Variants in NLGN1 observed in about 807,000 individuals in gnomAD.
NLGN1 encodes the protein neuroligin-1.
A neutral mutation model predicts 65.5 loss-of-function variants in NLGN1; 12 were observed. The ratio of observed to expected loss-of-function variants is 0.18; its 90% CI spans 0.12 to 0.30. The LOEUF is 0.30. NLGN1 is among the 10% of genes least tolerant of loss of function. The pLI, the probability that NLGN1 is intolerant of heterozygous loss-of-function variation, is 1.00. For missense variants in NLGN1, 750 were observed against 1,007.1 expected, an observed-to-expected ratio of 0.74 and a Z score of 3.46; for synonymous variants, 350 against 359.5, an observed-to-expected ratio of 0.97 and a Z score of 0.30.
chr3:174,059,043 A>T (rs897273450), intron 4 of NLGN1, among the ~76,000 whole-genome samples: 16 of 152,062 alleles, frequency 1.1e-4, no homozygotes, highest in Non-Finnish European at 1.5e-5. Flanking sequence ...CAGAATATGA[A>T]CAGTTTCCCG....
intron 4 of NLGN1, among the ~76,000 whole-genome samples, chr3:173,985,679 C>G (rs958412521): frequency 6.6e-6 from 1 of 152,108 alleles, no homozygotes; most frequent in Non-Finnish European, 1.5e-5. Flanking sequence ...TGTGGGTGCA[C>G]TGATTAACGC....
chr3:173,940,653 C>T (rs905671273), intron 4 of NLGN1, among the ~76,000 whole-genome samples: 3 of 152,130 alleles, frequency 2.0e-5, no homozygotes, highest in Non-Finnish European at 4.4e-5. Context: ...AACATTTGCA[C>T]ATAGGGGGAC....
chr3:173,844,170 CAAT>C (rs1470881961), intron 4 of NLGN1, among the ~76,000 whole-genome samples: 5 of 152,132 alleles, frequency 3.3e-5, no homozygotes, highest in Non-Finnish European at 7.4e-5. Flanking sequence ...CCCCATAATT[CAAT>C]AACCTCCCAC....
At chr3:173,435,879 T>C (rs1442798524) in intron 2 of NLGN1, among the ~76,000 whole-genome samples, 1 of 152,070 alleles carries the variant, frequency 6.6e-6, no homozygotes, top group African/African-American at 2.4e-5. Context: ...GTCTATACGA[T>C]GCATTTAGTC....
rs575157056 is a variant in NLGN1 at position 174,219,541 on chromosome 3, T to C, written c.647-55774T>C. On this transcript the variant is annotated intron_variant, in intron 4 of 6. Transcript: ENST00000457714. ...GGCCTAGAACTCTGAGATATTAGCATACATTTCAGATGATTACCTGCTAAG... is the reference window on the plus strand; with the variant it reads ...GGCCTAGAACTCTGAGATATTAGCACACATTTCAGATGATTACCTGCTAAG... 3.9e-5 allele frequency among the ~76,000 whole-genome samples: 6 copies of C among 152,260 alleles called. No homozygotes were observed. The South Asian group carries it at 1.2e-3, about 32-fold the overall frequency.
At chr3:173,753,753 A>G (rs1172867760) in intron 3 of NLGN1, among the ~76,000 whole-genome samples, 3 of 151,848 alleles carry the variant, frequency 2.0e-5, no homozygotes, top group Non-Finnish European at 2.9e-5. Context: ...GTGGCCTACC[A>G]TGCCTCAAAA....
exon 3 of NLGN1, chr3:173,604,329 G>A (rs1402276337): frequency 2.3e-6 from 1 of 430,182 alleles, no homozygotes; most frequent in Non-Finnish European, 4.2e-6. Context: ...GAAATCTGCA[G>A]TCAATGCCCA....
At chr3:173,799,030 C>T (rs1254530526) in intron 3 of NLGN1, among the ~76,000 whole-genome samples, 1 of 152,006 alleles carries the variant, frequency 6.6e-6, no homozygotes, top group Non-Finnish European at 1.5e-5. Context: ...GTTTAACAAT[C>T]TTTCCCTATG....
chr3:173,531,959 C>T (rs537372545), intron 2 of NLGN1, among the ~76,000 whole-genome samples: 1 of 152,246 alleles, frequency 6.6e-6, no homozygotes, highest in African/African-American at 2.4e-5. Flanking sequence ...AAGTGGAGTT[C>T]TATTTTATAG....
intron 3 of NLGN1, among the ~76,000 whole-genome samples, chr3:173,674,421 A>G (rs994697050): frequency 3.2e-4 from 48 of 152,134 alleles, no homozygotes; most frequent in Non-Finnish European, 4.6e-4. Context: ...AGGGAGTTTA[A>G]ATAGCTTGTC....
chr3:174,152,284 T>C (rs1309227984), intron 4 of NLGN1, among the ~76,000 whole-genome samples: 3 of 152,188 alleles, frequency 2.0e-5, no homozygotes, highest in African/African-American at 4.8e-5. Flanking sequence ...TGTCTATCCT[T>C]CTATATACAT....
At chr3:173,670,098 G>T (rs910857467) in intron 3 of NLGN1, among the ~76,000 whole-genome samples, 10 of 152,146 alleles carry the variant, frequency 6.6e-5, no homozygotes, top group African/African-American at 2.4e-4. Flanking sequence ...TAGGGAGAAA[G>T]CAGATAAACT....
chr3:173,705,714 G>A (rs1475069927), intron 3 of NLGN1, among the ~76,000 whole-genome samples: 2 of 151,850 alleles, frequency 1.3e-5, no homozygotes, highest in East Asian at 1.9e-4. Context: ...ATACTTATTC[G>A]GTCGTCATGG....
intron 5 of NLGN1, among the ~76,000 whole-genome samples, chr3:174,277,199 A>C (rs1231924838): frequency 6.6e-6 from 1 of 151,888 alleles, no homozygotes; most frequent in Non-Finnish European, 1.5e-5. Flanking sequence ...TTACCAGGAG[A>C]TGCTGAAAAA....
At chr3:173,958,815 A>C (rs1405647751) in intron 4 of NLGN1, among the ~76,000 whole-genome samples, 2 of 152,070 alleles carry the variant, frequency 1.3e-5, no homozygotes, top group African/African-American at 4.8e-5. Context: ...GCCAGTGTTG[A>C]GCTGCCCTCA....
intron 4 of NLGN1, among the ~76,000 whole-genome samples, chr3:174,161,667 T>G (rs1726547494): frequency 6.6e-6 from 1 of 151,754 alleles, no homozygotes; most frequent in Non-Finnish European, 1.5e-5. Context: ...GGAAGAAAGG[T>G]TAGTCAACAG....
chr3:174,200,913 A>C (rs925677160), intron 4 of NLGN1, among the ~76,000 whole-genome samples: 12 of 152,122 alleles, frequency 7.9e-5, no homozygotes, highest in Non-Finnish European at 1.5e-4. Flanking sequence ...GTGTCCACAG[A>C]CTATACAAGT....
At chr3:173,477,515 A>G (rs552785542) in intron 2 of NLGN1, among the ~76,000 whole-genome samples, 25 of 152,280 alleles carry the variant, frequency 1.6e-4, no homozygotes, top group African/African-American at 5.3e-4. Flanking sequence ...GTGCATTCCA[A>G]ACTGCACGAA....
intron 4 of NLGN1, among the ~76,000 whole-genome samples, chr3:174,237,437 C>T (rs1741925231): frequency 6.6e-6 from 1 of 152,224 alleles, no homozygotes; most frequent in African/African-American, 2.4e-5. Flanking sequence ...TTTGATTCAT[C>T]ATTCAGTCAG....
Sources: allele counts gnomAD v4.1 joint callset (sites outside exome capture counted in the v4.1 genomes callset), GRCh38; gene constraint gnomAD v4.1.1; transcripts MANE v1.5; gene names NCBI Gene and HGNC (gene_info 2026-07-23, HGNC 2026-07-21).